The following GPC5 variants were observed in gnomAD, a reference collection of about 807,000 sequenced individuals.
GPC5 encodes the protein glypican-5.
In GPC5, 47 loss-of-function variants were observed where a neutral mutation model predicts 53.9. The ratio of observed to expected loss-of-function variants is 0.87; its 90% CI spans 0.69 to 1.11. GPC5 has a LOEUF of 1.11. Ranked by LOEUF, GPC5 falls within the 50% of genes most tolerant of loss-of-function variation. The pLI, the probability that GPC5 is intolerant of heterozygous loss-of-function variation, is 0.00. For synonymous variants in GPC5, 286 were observed against 263.3 expected (o/e 1.09, Z -0.84); for missense variants, 748 against 713.1 (o/e 1.05, Z -0.56).
At chr13:92,337,536 A>G (rs1252413056) in intron 7 of GPC5, among the ~76,000 whole-genome samples, 1 of 152,194 alleles carries the variant, frequency 6.6e-6, no homozygotes, top group Non-Finnish European at 1.5e-5. Flanking sequence ...GGAGACTGAC[A>G]ATACCAGATT....
At chr13:91,444,381 T>C (rs1001563293) in intron 1 of GPC5, among the ~76,000 whole-genome samples, 2 of 152,170 alleles carry the variant, frequency 1.3e-5, no homozygotes, top group Non-Finnish European at 2.9e-5. Context: ...GCATATTTTT[T>C]CTTGTCTGTG....
chr13:91,663,111 G>A (rs536022657), intron 2 of GPC5, among the ~76,000 whole-genome samples: 1 of 152,262 alleles, frequency 6.6e-6, no homozygotes, highest in South Asian at 2.1e-4. Flanking sequence ...TGATTTTCTA[G>A]GTAAGAATAC....
chr13:92,630,181 A>T (rs1227889512), intron 7 of GPC5, among the ~76,000 whole-genome samples: 1 of 152,224 alleles, frequency 6.6e-6, no homozygotes, highest in Admixed American at 6.5e-5. Flanking sequence ...ATGAGCAATT[A>T]TTATAGGCAA....
chr13:92,451,694 T>A (rs1339729381), intron 7 of GPC5, among the ~76,000 whole-genome samples: 1 of 152,216 alleles, frequency 6.6e-6, no homozygotes, highest in East Asian at 1.9e-4. Flanking sequence ...TTGTTTTTAG[T>A]GTACTTAATG....
chr13:91,770,835 C>T (rs2037611853), intron 5 of GPC5, among the ~76,000 whole-genome samples: 1 of 151,588 alleles, frequency 6.6e-6, no homozygotes, highest in Non-Finnish European at 1.5e-5. Flanking sequence ...TGAGGGAAAA[C>T]AAACATCTTA....
intron 6 of GPC5, among the ~76,000 whole-genome samples, chr13:92,074,814 C>T (rs1174800367): frequency 2.0e-5 from 3 of 152,158 alleles, no homozygotes; most frequent in African/African-American, 4.8e-5. Flanking sequence ...GTGATTCCTT[C>T]GCACATCGCT....
chr13:92,008,676 C>T (rs1450815739), intron 6 of GPC5, among the ~76,000 whole-genome samples: 22 of 152,046 alleles, frequency 1.4e-4, no homozygotes, highest in Admixed American at 1.4e-3. Context: ...TTCTTGTCTC[C>T]GTGTTGTGTT....
intron 2 of GPC5, among the ~76,000 whole-genome samples, chr13:91,622,903 G>T (rs1188985925): frequency 2.0e-5 from 3 of 152,140 alleles, no homozygotes; most frequent in African/African-American, 7.2e-5. Context: ...CAGTGATTCA[G>T]AGAGGAATTG....
intron 5 of GPC5, among the ~76,000 whole-genome samples, chr13:91,897,818 AG>A (rs890918627): frequency 3.6e-4 from 55 of 152,234 alleles, no homozygotes; most frequent in African/African-American, 1.3e-3. Flanking sequence ...CTGCTGGTAA[AG>A]TGCTCCCCCA....
intron 6 of GPC5, among the ~76,000 whole-genome samples, chr13:92,107,494 C>G (rs539260988): frequency 7.9e-5 from 12 of 151,922 alleles, no homozygotes; most frequent in Non-Finnish European, 1.5e-4. Flanking sequence ...TAATGTAAGG[C>G]CACTTTTTAA....
At chr13:92,273,809 A>G (rs4433679) in intron 7 of GPC5, among the ~76,000 whole-genome samples, 67,239 of 151,980 alleles carry the variant, frequency 0.44, 16,417 homozygotes, top group African/African-American at 0.66. Context: ...TATTTAATCC[A>G]TAGGAAAATG....
At chr13:91,766,924 C>T (rs2037537206) in intron 5 of GPC5, among the ~76,000 whole-genome samples, 1 of 152,136 alleles carries the variant, frequency 6.6e-6, no homozygotes, top group African/African-American at 2.4e-5. Flanking sequence ...GAGTTATTCA[C>T]ATGAACAGTT....
At chr13:92,793,399 C>T (rs574518501) in intron 7 of GPC5, among the ~76,000 whole-genome samples, 37 of 152,048 alleles carry the variant, frequency 2.4e-4, no homozygotes, top group African/African-American at 8.7e-4. Flanking sequence ...TGTGCAGGGA[C>T]ATTTATAGCA....
chr13:92,154,935 A>G (rs560158531), intron 7 of GPC5, among the ~76,000 whole-genome samples: 3 of 152,346 alleles, frequency 2.0e-5, no homozygotes, highest in Non-Finnish European at 4.4e-5. Flanking sequence ...GCCCTTACGC[A>G]TTATGATTAC....
At chr13:91,671,780 C>CCA (rs2035249718) in intron 2 of GPC5, among the ~76,000 whole-genome samples, 18 of 33,138 alleles carry the variant, frequency 5.4e-4, no homozygotes, top group Non-Finnish European at 9.8e-4. Flanking sequence ...CAATCTGAAG[C>CCA]AAAAAAAAAA....
At chr13:92,381,889 T>TCATATATATGATATATATGA (rs753025655) in intron 7 of GPC5, among the ~76,000 whole-genome samples, 4 of 122,174 alleles carry the variant, frequency 3.3e-5, no homozygotes, top group East Asian at 2.4e-4. Flanking sequence ...ATTATATATA[T>TCATATATATGATATATATGA]TATATATAAT....
intron 7 of GPC5, among the ~76,000 whole-genome samples, chr13:92,787,868 C>A (rs374854809): frequency 7.2e-6 from 1 of 139,190 alleles, no homozygotes; most frequent in Non-Finnish European, 1.6e-5. Context: ...CAAAGTAAGA[C>A]CCTGTCTCAA....
At chr13:92,115,241 G>T (rs993030345) in intron 6 of GPC5, among the ~76,000 whole-genome samples, 1 of 152,180 alleles carries the variant, frequency 6.6e-6, no homozygotes, top group Non-Finnish European at 1.5e-5. Flanking sequence ...AGGTGTGGTG[G>T]CTCACCCTTG....
chr13:91,462,992 A>C (rs1882029325), intron 2 of GPC5, among the ~76,000 whole-genome samples: 1 of 152,062 alleles, frequency 6.6e-6, no homozygotes, highest in South Asian at 2.1e-4. Flanking sequence ...CTGTTCTAGA[A>C]AGCAATTTGA....
Sources: gnomAD v4.1 joint callset for allele counts (sites outside exome capture counted in the v4.1 genomes callset) on GRCh38, gnomAD v4.1.1 for gene constraint, MANE v1.5 for transcripts, NCBI Gene and HGNC (gene_info 2026-07-23, HGNC 2026-07-21) for gene names.